The following CDYL2 variants were observed in gnomAD, a reference collection of about 807,000 sequenced individuals.
The protein encoded by CDYL2 is chromodomain Y-like protein 2.
A neutral mutation model predicts 49.4 loss-of-function variants in CDYL2; 23 were observed. The observed-to-expected ratio is 0.47, with a 90% CI of 0.34 to 0.66. The LOEUF is 0.66. Among genes scored for constraint, CDYL2 ranks in the 30% least tolerant of loss-of-function variants. CDYL2 has a pLI of 0.01. For missense variants in CDYL2, 678 were observed against 656.4 expected (o/e 1.03, Z -0.36); for synonymous variants, 360 against 268.8 (o/e 1.34, Z -3.32).
chr16:80,793,467 G>A (rs150592252), intron 1 of CDYL2, among the ~76,000 whole-genome samples: 10 of 152,344 alleles, frequency 6.6e-5, no homozygotes, highest in African/African-American at 2.4e-4. Flanking sequence ...AAAACAGAGG[G>A]ACTAATGCCA....
chr16:80,765,403 C>G (rs963178770), intron 1 of CDYL2, among the ~76,000 whole-genome samples: 13 of 151,596 alleles, frequency 8.6e-5, no homozygotes, highest in African/African-American at 3.1e-4. Context: ...ATATTTTCAG[C>G]AGATTTGACA....
chr16:80,630,137 A>G (rs1907491900), intron 3 of CDYL2, among the ~76,000 whole-genome samples: 2 of 152,206 alleles, frequency 1.3e-5, no homozygotes, highest in Admixed American at 1.3e-4. Context: ...TTACCCAGTC[A>G]GCTGGCTCAC....
chr16:80,610,769 T>C (rs1273546487), intron 5 of CDYL2, among the ~76,000 whole-genome samples: 4 of 152,104 alleles, frequency 2.6e-5, no homozygotes, highest in African/African-American at 9.7e-5. Flanking sequence ...ACTCGGCTTT[T>C]TCTCTGGGGT....
At chr16:80,659,051 T>TGATGGATG (rs57221086) in intron 2 of CDYL2, among the ~76,000 whole-genome samples, 18 of 149,964 alleles carry the variant, frequency 1.2e-4, no homozygotes, top group Non-Finnish European at 2.2e-4. Context: ...ACGATAGAGG[T>TGATGGATG]GATGGATGGA....
intron 2 of CDYL2, among the ~76,000 whole-genome samples, chr16:80,634,330 G>C (rs1182466659): frequency 6.6e-6 from 1 of 152,206 alleles, no homozygotes; most frequent in East Asian, 1.9e-4. Context: ...AAAAGGATGA[G>C]TTCATGTCCT....
chr16:80,718,138 A>C (rs1016208801), intron 1 of CDYL2, among the ~76,000 whole-genome samples: 1 of 152,222 alleles, frequency 6.6e-6, no homozygotes, highest in African/African-American at 2.4e-5. Context: ...GGCAAGAACA[A>C]AACCTAAGAC....
At chr16:80,700,990 C>G (rs548739236) in intron 1 of CDYL2, among the ~76,000 whole-genome samples, 1 of 152,282 alleles carries the variant, frequency 6.6e-6, no homozygotes, top group Admixed American at 6.5e-5. Flanking sequence ...AGGGACTCGG[C>G]GGGCAGAAGA....
rs756199026 is a variant in CDYL2, at chr16:80,734,773, CTA to C, written c.25-49646_25-49645del. Among the ~76,000 whole-genome samples the C allele has an allele frequency of 5.9e-5, 9 of 152,176 alleles. 1 individual carries two copies. The highest frequency in any genetic ancestry group is 6.3e-3 in the Middle Eastern group (2 of 316). ...GTGTTGAATGGATCACTGCCACATA[CTA>C]TTACACATTCCCTCTAGAACTGGTT... On this transcript the variant is annotated intron_variant, in intron 1 of 6. Coordinates refer to ENST00000570137, the MANE Select transcript of CDYL2 (RefSeq NM_152342.4).
At chr16:80,760,655 T>C (rs1906496295) in intron 1 of CDYL2, among the ~76,000 whole-genome samples, 1 of 152,006 alleles carries the variant, frequency 6.6e-6, no homozygotes, top group Non-Finnish European at 1.5e-5. Flanking sequence ...AGAAAAACAG[T>C]GTCAAAATCA....
At chr16:80,617,813 C>T (rs1405190839) in intron 4 of CDYL2, among the ~76,000 whole-genome samples, 2 of 152,180 alleles carry the variant, frequency 1.3e-5, no homozygotes, top group African/African-American at 2.4e-5. Flanking sequence ...AAATAAGAAT[C>T]TTGCGTTTCT....
intron 3 of CDYL2, among the ~76,000 whole-genome samples, chr16:80,626,886 G>A (rs1318682709): frequency 1.3e-5 from 2 of 152,194 alleles, no homozygotes; most frequent in East Asian, 3.8e-4. Context: ...GGTAAGGTAG[G>A]AGATGGTATC....
intron 1 of CDYL2, among the ~76,000 whole-genome samples, chr16:80,696,222 C>CAA (rs1181037793): frequency 1.3e-5 from 2 of 151,966 alleles, no homozygotes; most frequent in Admixed American, 6.5e-5. Context: ...CACAACATAC[C>CAA]AAAACCTATG....
chr16:80,755,071 G>A (rs1906264391), intron 1 of CDYL2, among the ~76,000 whole-genome samples: 5 of 152,168 alleles, frequency 3.3e-5, no homozygotes. Context: ...ACCAGCCGCT[G>A]ACCTTGGACT....
chr16:80,780,172 G>C (rs1351816577), intron 1 of CDYL2, among the ~76,000 whole-genome samples: 1 of 151,984 alleles, frequency 6.6e-6, no homozygotes, highest in South Asian at 2.1e-4. Flanking sequence ...GCAGCACTCT[G>C]ATATTACCAT....
chr16:80,713,541 G>A (rs1031556166), intron 1 of CDYL2, among the ~76,000 whole-genome samples: 3 of 152,092 alleles, frequency 2.0e-5, no homozygotes, highest in East Asian at 1.9e-4. Flanking sequence ...AAGATTCCTC[G>A]GTGGGGGATG....
intron 1 of CDYL2, among the ~76,000 whole-genome samples, chr16:80,692,889 G>C (rs1444520875): frequency 6.6e-6 from 1 of 152,134 alleles, no homozygotes; most frequent in African/African-American, 2.4e-5. Context: ...AATGATCAGA[G>C]CATTTTTTCT....
intron 1 of CDYL2, among the ~76,000 whole-genome samples, chr16:80,709,381 CAA>C (rs11412766): frequency 2.1e-4 from 20 of 93,894 alleles, no homozygotes; most frequent in Admixed American, 1.1e-4. Context: ...GACTCCATTT[CAA>C]AAAAAAAAAA....
rs1003705828 is a variant in CDYL2 at position 80,638,164 on chromosome 16, T to A, written c.617-4928A>T. ...ATCACAGCTCACTGCAGCCTCAACC[T>A]CCTAGGCTCAAACTATATTCCCTCC... On this transcript the variant is annotated intron_variant, in intron 2 of 6. Transcript: ENST00000570137. Among the ~76,000 whole-genome samples the A allele has an allele frequency of 2.6e-5, 4 of 152,040 alleles. No individual in the cohort carries two copies. In the East Asian group the frequency reaches 7.7e-4, roughly 29 times the overall value.
intron 3 of CDYL2, among the ~76,000 whole-genome samples, chr16:80,622,322 T>C (rs1441008882): frequency 6.6e-6 from 1 of 152,188 alleles, no homozygotes; most frequent in Non-Finnish European, 1.5e-5. Flanking sequence ...TAATCACCTT[T>C]GCACATGCCA....
Sources: gnomAD v4.1 joint callset for allele counts (sites outside exome capture counted in the v4.1 genomes callset) on GRCh38, gnomAD v4.1.1 for gene constraint, MANE v1.5 for transcripts, NCBI Gene and HGNC (gene_info 2026-07-23, HGNC 2026-07-21) for gene names.